The following ADAMTS19 variants were observed in gnomAD, a reference collection of about 807,000 sequenced individuals.
The protein encoded by ADAMTS19 is A disintegrin and metalloproteinase with thrombospondin motifs 19.
A neutral mutation model predicts 153.3 loss-of-function variants in ADAMTS19; 93 were observed. The observed-to-expected ratio is 0.61, with a 90% CI of 0.51 to 0.72. The LOEUF is 0.72. ADAMTS19 is among the 30% of genes least tolerant of loss of function. The pLI is 0.00. For missense variants in ADAMTS19, 1,482 were observed against 1,552.1 expected (o/e 0.95, Z 0.76); for synonymous variants, 600 against 556.6 (o/e 1.08, Z -1.10).
At position 129,720,806 on chromosome 5, in the gene ADAMTS19, T is replaced by C. The variant is rs113318279; in HGVS notation, c.3313-14126T>C. Among the ~76,000 whole-genome samples, 802 of 152,254 alleles carry C rather than the reference T, an allele frequency of 5.3e-3. 3 individuals are homozygous for C. The highest frequency in any genetic ancestry group is 0.018 in the African/African-American group (733 of 41,548). On this transcript the variant is annotated intron_variant, in intron 21 of 22. Transcript: ENST00000274487. Reference sequence around the variant, plus strand: ...CCCATTTATAAAGTGTTTAGTGAAATGAAGTTGTTCAGAAGTGCCTACGTT... The same window carrying C: ...CCCATTTATAAAGTGTTTAGTGAAACGAAGTTGTTCAGAAGTGCCTACGTT...
intron 6 of ADAMTS19, among the ~76,000 whole-genome samples, chr5:129,547,307 T>C (rs1752896305): frequency 6.6e-6 from 1 of 150,754 alleles, no homozygotes; most frequent in Non-Finnish European, 1.5e-5. Flanking sequence ...CATATTCTCA[T>C]CTAGAGCTTT....
intron 7 of ADAMTS19, among the ~76,000 whole-genome samples, chr5:129,581,838 T>G (rs1269949960): frequency 6.6e-6 from 1 of 152,198 alleles, no homozygotes; most frequent in Non-Finnish European, 1.5e-5. Flanking sequence ...ACTTATTTAT[T>G]TCTGCCTTAA....
At chr5:129,699,833 G>A (rs769484130) in intron 19 of ADAMTS19, among the ~76,000 whole-genome samples, 1 of 152,068 alleles carries the variant, frequency 6.6e-6, no homozygotes. Flanking sequence ...AAAAATATAT[G>A]AATAAGTATG....
chr5:129,708,590 C>CAAAAAAAAAAAAAA (rs1174701520), intron 21 of ADAMTS19, among the ~76,000 whole-genome samples: 8 of 61,814 alleles, frequency 1.3e-4, no homozygotes, highest in East Asian at 5.9e-4. Flanking sequence ...AGCAGAGAAG[C>CAAAAAAAAAAAAAA]AAAAAAAAAA....
chr5:129,597,917 A>G (rs1295602233), intron 8 of ADAMTS19, among the ~76,000 whole-genome samples: 2 of 151,776 alleles, frequency 1.3e-5, no homozygotes, highest in African/African-American at 4.8e-5. Flanking sequence ...AAAAAAAGAA[A>G]AAAAGAAAAA....
At chr5:129,548,941 G>C (rs1202314256) in intron 6 of ADAMTS19, among the ~76,000 whole-genome samples, 3 of 145,760 alleles carry the variant, frequency 2.1e-5, no homozygotes, top group Non-Finnish European at 4.5e-5. Flanking sequence ...AAACCAAACA[G>C]CACATGTTCT....
chr5:129,714,972 A>T (rs1377915028), intron 21 of ADAMTS19, among the ~76,000 whole-genome samples: 1 of 152,164 alleles, frequency 6.6e-6, no homozygotes, highest in African/African-American at 2.4e-5. Flanking sequence ...TGTAGCTTTT[A>T]AAAAAATTTA....
At chr5:129,465,082 T>G (rs10061006) in intron 2 of ADAMTS19, among the ~76,000 whole-genome samples, 32,419 of 151,958 alleles carry the variant, frequency 0.21, 5,686 homozygotes, top group African/African-American at 0.48. Context: ...GAAAATACAC[T>G]TATACCATGA....
chr5:129,680,538 C>T (rs941284138), intron 17 of ADAMTS19, among the ~76,000 whole-genome samples: 39 of 151,964 alleles, frequency 2.6e-4, no homozygotes, highest in Non-Finnish European at 4.9e-4. Flanking sequence ...GTGGGTGGAT[C>T]GCAAGGTCAG....
Position 129,607,302 on chromosome 5 carries a change from T to C in ADAMTS19, c.1478+10638T>C, listed in dbSNP as rs373418021. On this transcript the variant is annotated intron_variant, in intron 8 of 22. Transcript: ENST00000274487. The stretch of plus-strand genomic sequence containing the variant: ...ATTTCTGAGATATACTGATTTATAC[T>C]GATATTTACCTATATATAGGTTCCC... 2.1e-4 allele frequency among the ~76,000 whole-genome samples: 32 copies of C among 152,368 alleles called. 1 individual carries two copies. The South Asian group carries it at 4.1e-3, about 20-fold the overall frequency.
chr5:129,495,575 C>G (rs1243543858), intron 2 of ADAMTS19, among the ~76,000 whole-genome samples: 1 of 152,088 alleles, frequency 6.6e-6, no homozygotes, highest in Non-Finnish European at 1.5e-5. Context: ...ATAGTCACCA[C>G]TGTCTAGTAG....
At chr5:129,514,395 A>G (rs748630724) in intron 3 of ADAMTS19, among the ~76,000 whole-genome samples, 15 of 152,100 alleles carry the variant, frequency 9.9e-5, no homozygotes, top group Non-Finnish European at 1.6e-4. Flanking sequence ...ACTAATTTAC[A>G]TTCCCACTAA....
intron 18 of ADAMTS19, among the ~76,000 whole-genome samples, chr5:129,691,035 T>C (rs926896545): frequency 2.4e-4 from 37 of 152,254 alleles, no homozygotes; most frequent in African/African-American, 8.7e-4. Flanking sequence ...GGTACCTCAA[T>C]AGAATTTAGT....
chr5:129,587,770 A>G (rs1199358995), intron 7 of ADAMTS19, among the ~76,000 whole-genome samples: 3 of 152,104 alleles, frequency 2.0e-5, no homozygotes, highest in Non-Finnish European at 4.4e-5. Context: ...GCCTTTTATG[A>G]ACAGTAAAAT....
intron 7 of ADAMTS19, among the ~76,000 whole-genome samples, chr5:129,596,184 T>G (rs911905655): frequency 2.6e-5 from 4 of 152,072 alleles, no homozygotes; most frequent in Non-Finnish European, 4.4e-5. Context: ...ACTGTGTTCT[T>G]CACAATAATT....
At chr5:129,691,506 C>T (rs1755335291) in intron 18 of ADAMTS19, among the ~76,000 whole-genome samples, 1 of 152,084 alleles carries the variant, frequency 6.6e-6, no homozygotes, top group African/African-American at 2.4e-5. Context: ...TTGGCTGGGA[C>T]ATTTAAATAT....
intron 8 of ADAMTS19, among the ~76,000 whole-genome samples, chr5:129,602,334 G>A (rs1426428807): frequency 6.6e-6 from 1 of 152,014 alleles, no homozygotes; most frequent in African/African-American, 2.4e-5. Flanking sequence ...CAGGTGATCC[G>A]CCCGCCTCAG....
chr5:129,661,802 T>C (rs1390411246), intron 15 of ADAMTS19, among the ~76,000 whole-genome samples: 1 of 152,230 alleles, frequency 6.6e-6, no homozygotes, highest in Non-Finnish European at 1.5e-5. Context: ...AAAAATGTTT[T>C]ATTCTTTATA....
chr5:129,486,395 A>G (rs2126680569), intron 2 of ADAMTS19, among the ~76,000 whole-genome samples: 1 of 152,338 alleles, frequency 6.6e-6, no homozygotes, highest in South Asian at 2.1e-4. Flanking sequence ...TATGACAAAA[A>G]AAGAGTTTAT....
Sources: gnomAD v4.1 joint callset for allele counts (sites outside exome capture counted in the v4.1 genomes callset) on GRCh38, gnomAD v4.1.1 for gene constraint, MANE v1.5 for transcripts, NCBI Gene and HGNC (gene_info 2026-07-23, HGNC 2026-07-21) for gene names.